The following SPTLC2 variants were observed in gnomAD, a reference collection of about 807,000 sequenced individuals.
The protein encoded by SPTLC2 is serine palmitoyltransferase 2.
In SPTLC2, 21 loss-of-function variants were observed where a neutral mutation model predicts 62.0. That is an observed-to-expected ratio of 0.34 (90% CI 0.24 to 0.49). The LOEUF is 0.49. Ranked by LOEUF, SPTLC2 falls within the 20% of genes least tolerant of loss-of-function variation. The probability of loss-of-function intolerance (pLI) is 0.99; values close to 1 mark genes in which losing one functional copy is unlikely to be tolerated. For synonymous variants in SPTLC2, 261 were observed against 261.8 expected (o/e 1.00, Z 0.03); for missense variants, 511 against 713.0 (o/e 0.72, Z 3.23).
At chr14:77,552,009 A>G in intron 9 of SPTLC2, 87 bp downstream of exon 9, 2 of 1,561,840 alleles carry the variant, frequency 1.3e-6, no homozygotes, top group Non-Finnish European at 8.7e-7. Flanking sequence ...AAACCTGACT[A>G]TTTATTTTAG....
In SPTLC2 at chr14:77,532,081, A is replaced by G. The variant is rs371313374; in HGVS notation, c.1304-10500T>C. ...AAAACAACAACAACAACAAAACAGAACCATCTAAATATTACAGGTGTGGGC... is the reference window on the plus strand; with the variant it reads ...AAAACAACAACAACAACAAAACAGAGCCATCTAAATATTACAGGTGTGGGC... On this transcript the variant is annotated intron_variant, in intron 9 of 11. Transcript: ENST00000216484. 7.0e-4 allele frequency among the ~76,000 whole-genome samples: 107 copies of G among 152,250 alleles called. 1 individual carries two copies. The highest frequency in any genetic ancestry group is 2.6e-3 in the African/African-American group (106 of 41,546).
At chr14:77,532,732 C>G (rs143652803) in intron 9 of SPTLC2, among the ~76,000 whole-genome samples, 10,810 of 151,538 alleles carry the variant, frequency 0.071, 538 homozygotes, top group Non-Finnish European at 0.1. Context: ...TGCAGTGAGC[C>G]GAGATAGTGC....
chr14:77,561,997 T>C (rs948676238), intron 6 of SPTLC2, among the ~76,000 whole-genome samples: 3 of 152,248 alleles, frequency 2.0e-5, no homozygotes, highest in African/African-American at 4.8e-5. Context: ...CATCTATTCA[T>C]AGCTGTACTT....
At position 77,555,345 on chromosome 14, in the gene SPTLC2, G is replaced by C. The variant is rs768189790; in HGVS notation, c.1131C>G (p.Phe377Leu). The change falls in exon 8 of 12, where the codon TTC (phenylalanine) becomes TTG (leucine). Residue 377 changes from phenylalanine to leucine, a missense_variant. By Grantham distance (22) the Phe-to-Leu change is conservative. Transcript: ENST00000216484. ...CTCCAGAAGCACCAAAACTCTTTGT[G>C]AACGTTCCCATCATAACATCCACAT... is the stretch of plus-strand genomic sequence containing the variant. ...PEDVDVMMGT[F>L]TKSFGASGGY... 8 of 1,613,892 alleles carry C rather than the reference G, an allele frequency of 5.0e-6. No individual in the cohort carries two copies. In the South Asian group the frequency reaches 7.7e-5, roughly 16 times the overall value.
At chr14:77,591,906 G>A (rs2079819829) in intron 2 of SPTLC2, among the ~76,000 whole-genome samples, 1 of 151,976 alleles carries the variant, frequency 6.6e-6, no homozygotes, top group East Asian at 2.0e-4. Flanking sequence ...TGTATTTTTA[G>A]TAGAGACCGG....
At position 77,604,598 on chromosome 14, in the gene SPTLC2, T is replaced by C. The variant is rs565970677; in HGVS notation, c.133-7218A>G. 6.8e-4 allele frequency among the ~76,000 whole-genome samples: 104 copies of C among 152,268 alleles called. No individual in the cohort carries two copies. In the Middle Eastern group the frequency reaches 0.014, roughly 20 times the overall value. On this transcript the variant is annotated intron_variant, in intron 1 of 11. Transcript: ENST00000216484. ...AAAAATATTTCCCGGCCAGATGCGG[T>C]GGCTCACACCTGTAATACTAGCACT... is the stretch of plus-strand genomic sequence containing the variant.
chr14:77,536,148 C>T (rs575049204), intron 9 of SPTLC2: 1 of 338,676 alleles, frequency 3.0e-6, no homozygotes, highest in East Asian at 8.4e-5. Flanking sequence ...AAGACTACTG[C>T]TTCCAAACTT....
intron 1 of SPTLC2, among the ~76,000 whole-genome samples, chr14:77,602,955 C>T (rs984870386): frequency 5.3e-5 from 8 of 152,086 alleles, no homozygotes; most frequent in African/African-American, 1.9e-4. Flanking sequence ...TTATATGTTG[C>T]CTTCTGTCTC....
At position 77,510,232 on chromosome 14, in the gene SPTLC2, A is replaced by G. The variant is rs911940410; in HGVS notation, c.*2052T>C. The G allele has an allele frequency of 1.0e-4, 31 of 299,726 alleles. No individual in the cohort carries two copies. The highest frequency in any genetic ancestry group is 6.2e-4 in the African/African-American group (29 of 46,666). 18.6% of individuals were successfully genotyped at this position (299,726 alleles called of 1,614,324 possible). ...ATTCATCTTTTTCTGTTCTTTAAAA[A>G]AGTAAAATAAAACTTTGGAATATCT... On this transcript the variant is annotated 3_prime_UTR_variant, in exon 12 of 12. Transcript: ENST00000216484.
At chr14:77,597,088 T>C (rs879675513) in intron 2 of SPTLC2, 98 bp downstream of exon 2, 7 of 1,207,250 alleles carry the variant, frequency 5.8e-6, no homozygotes, top group African/African-American at 1.5e-5. Context: ...TTAATTTTAA[T>C]GTGTACCCAA....
Position 77,590,862 on chromosome 14 carries a change from G to C in SPTLC2, c.327+6324C>G, listed in dbSNP as rs12884431. On this transcript the variant is annotated intron_variant, in intron 2 of 11. Coordinates refer to ENST00000216484, the MANE Select transcript of SPTLC2 (RefSeq NM_004863.4). The stretch of plus-strand genomic sequence containing the variant: ...AGAACAGAGGATAAAATGGAAGTGA[G>C]GGAACTAGCCATGGGACTATTTGAA... 3.8e-3 allele frequency among the ~76,000 whole-genome samples: 583 copies of C among 152,190 alleles called. 6 individuals are homozygous for C. Among genetic ancestry groups the C allele is most frequent in the African/African-American group, 0.013 (550 of 41,520 alleles).
intron 2 of SPTLC2, among the ~76,000 whole-genome samples, chr14:77,585,327 G>A (rs1322772370): frequency 6.6e-6 from 1 of 152,132 alleles, no homozygotes; most frequent in Non-Finnish European, 1.5e-5. Context: ...CTTTGTCCAA[G>A]TCACATAACA....
intron 1 of SPTLC2, among the ~76,000 whole-genome samples, chr14:77,613,285 G>T (rs1299993392): frequency 6.6e-6 from 1 of 152,084 alleles, no homozygotes; most frequent in African/African-American, 2.4e-5. Flanking sequence ...AAGAGATAAA[G>T]GACTGAATTA....
intron 8 of SPTLC2, among the ~76,000 whole-genome samples, chr14:77,552,771 A>C (rs1343116569): frequency 1.3e-5 from 2 of 148,516 alleles, no homozygotes; most frequent in African/African-American, 5.0e-5. Context: ...GCGCCATTGC[A>C]CTCCAGCCTG....
chr14:77,552,271 C>T lies in SPTLC2; in HGVS notation c.1177-49G>A, dbSNP rs2178876. ...AAGTAGAGACAATTCTTGCATTCAC[C>T]GGCAATGTCAGTCCTTTCCTTCTAA... On this transcript the variant is annotated intron_variant, in intron 8 of 11. Transcript: ENST00000216484. 0.99 allele frequency: 1,598,357 copies of T among 1,610,526 alleles called. 793,965 individuals are homozygous for T. The highest frequency in any genetic ancestry group is 1 in the East Asian group (44,789 of 44,790).
At chr14:77,581,918 T>G (rs982990763) in intron 2 of SPTLC2, among the ~76,000 whole-genome samples, 1 of 152,194 alleles carries the variant, frequency 6.6e-6, no homozygotes, top group East Asian at 1.9e-4. Context: ...TTATTATCCA[T>G]GCATTTATTT....
At chr14:77,547,493 CTG>C (rs1257267116) in intron 9 of SPTLC2, 1 of 152,150 alleles carries the variant, frequency 6.6e-6, no homozygotes, top group African/African-American at 2.4e-5. Context: ...CCCAGCAAGG[CTG>C]TGTTTTTTCA....
At chr14:77,583,309 A>T (rs936865254) in intron 2 of SPTLC2, among the ~76,000 whole-genome samples, 1 of 152,150 alleles carries the variant, frequency 6.6e-6, no homozygotes, top group African/African-American at 2.4e-5. Flanking sequence ...CATGAAAAAA[A>T]GGAGGGGAGG....
At chr14:77,513,167 G>A (rs2079341741) in intron 11 of SPTLC2, among the ~76,000 whole-genome samples, 1 of 151,372 alleles carries the variant, frequency 6.6e-6, no homozygotes. Flanking sequence ...TGGGACTACA[G>A]GCATGTGCCA....
Sources: gnomAD v4.1 joint callset for allele counts (sites outside exome capture counted in the v4.1 genomes callset) on GRCh38, gnomAD v4.1.1 for gene constraint, MANE v1.5 for transcripts, NCBI Gene and HGNC (gene_info 2026-07-23, HGNC 2026-07-21) for gene names.